RBM6: variants seen among roughly 807,000 people sequenced by gnomAD.
RBM6 encodes RNA-binding protein 6.
RBM6 carries 23 observed loss-of-function variants against 140.4 expected under a neutral mutation model. That is an observed-to-expected ratio of 0.16 (90% CI 0.12 to 0.23). RBM6 has a LOEUF of 0.23. Among genes scored for constraint, RBM6 ranks in the 10% least tolerant of loss-of-function variants. The probability of loss-of-function intolerance (pLI) is 1.00; values close to 1 mark genes in which losing one functional copy is unlikely to be tolerated. For missense variants in RBM6, 1,139 were observed against 1,386.7 expected, an observed-to-expected ratio of 0.82 and a Z score of 2.84; for synonymous variants, 439 against 475.6, an observed-to-expected ratio of 0.92 and a Z score of 1.00.
At chr3:50,021,544 G>A (rs1425985256) in intron 6 of RBM6, among the ~76,000 whole-genome samples, 1 of 152,066 alleles carries the variant, frequency 6.6e-6, no homozygotes, top group East Asian at 1.9e-4. Context: ...AGAGGCTGAG[G>A]CACGAAAATC....
intron 6 of RBM6, among the ~76,000 whole-genome samples, chr3:50,043,005 C>T (rs544457438): frequency 1.8e-4 from 28 of 152,200 alleles, no homozygotes; most frequent in Non-Finnish European, 3.2e-4. Context: ...TTCTGGAGTG[C>T]AAATATCTAG....
chr3:50,076,775 A>G (rs1407668256), intron 20 of RBM6, among the ~76,000 whole-genome samples: 10 of 151,190 alleles, frequency 6.6e-5, no homozygotes, highest in Non-Finnish European at 1.5e-4. Context: ...AGTCCCAGCT[A>G]CTCAGAGGCT....
In RBM6 at chr3:49,957,849, T is replaced by TG. The variant is rs55776442; in HGVS notation, c.-66-4724dup. 3.0e-3 allele frequency among the ~76,000 whole-genome samples: 459 copies of TG among 151,646 alleles called. 3 individuals carry two copies. Among genetic ancestry groups the TG allele is most frequent in the African/African-American group, 0.011 (447 of 41,382 alleles). ...GATCTTTCTTTCTTTTTTTTTTTTT[T>TG]GGGATGGAGTCTCGCTCTTTCGCCC... is the stretch of plus-strand genomic sequence containing the variant. On this transcript the variant is annotated intron_variant, in intron 1 of 20. Coordinates refer to ENST00000266022, the MANE Select transcript of RBM6 (RefSeq NM_005777.3).
chr3:50,067,979 C>T (rs985103126), intron 17 of RBM6, among the ~76,000 whole-genome samples: 4 of 152,142 alleles, frequency 2.6e-5, no homozygotes, highest in African/African-American at 9.7e-5. Context: ...TGTCCTTTGA[C>T]CTGAAGTTGT....
chr3:49,988,318 T>A (rs2085659606), intron 5 of RBM6, among the ~76,000 whole-genome samples: 1 of 152,098 alleles, frequency 6.6e-6, no homozygotes, highest in Non-Finnish European at 1.5e-5. Flanking sequence ...CTAATTTTTG[T>A]ATTTTTTGTA....
intron 6 of RBM6, among the ~76,000 whole-genome samples, chr3:50,036,186 C>T (rs1428822988): frequency 6.6e-6 from 1 of 152,224 alleles, no homozygotes; most frequent in Non-Finnish European, 1.5e-5. Flanking sequence ...TGAGCCACTG[C>T]GCCCAGCAGG....
chr3:49,945,176 ATTT>A (rs34249907), intron 1 of RBM6, among the ~76,000 whole-genome samples: 1 of 122,108 alleles, frequency 8.2e-6, no homozygotes. Context: ...CGCCCGGCCA[ATTT>A]TTTTTTTTTT....
intron 14 of RBM6, 130 bp downstream of exon 14, chr3:50,061,677 A>G: frequency 6.8e-7 from 1 of 1,470,702 alleles, no homozygotes; most frequent in African/African-American, 1.4e-5. Context: ...TTGCATGAAA[A>G]GTGGAAAAGT....
At chr3:50,067,135 C>T (rs1214575355) in intron 17 of RBM6, among the ~76,000 whole-genome samples, 2 of 142,150 alleles carry the variant, frequency 1.4e-5, no homozygotes, top group East Asian at 2.1e-4. Context: ...TGCAGTGAAC[C>T]GAGATCACAC....
In RBM6 at chr3:49,977,087, T is replaced by C. The variant is rs112406102; in HGVS notation, c.1483+1695T>C. Among the ~76,000 whole-genome samples the C allele has an allele frequency of 3.5e-3, 527 of 152,306 alleles. 3 individuals carry two copies. Among genetic ancestry groups the C allele is most frequent in the African/African-American group, 0.012 (508 of 41,568 alleles). On this transcript the variant is annotated intron_variant, in intron 5 of 20. Transcript: ENST00000266022. ...TGTTACTCCCATGTCTAAAACCCTC[T>C]TAGGGCCTTCATCTTCACTTGGAAG...
chr3:50,007,691 C>G (rs2086650120), intron 6 of RBM6, among the ~76,000 whole-genome samples: 1 of 151,920 alleles, frequency 6.6e-6, no homozygotes, highest in African/African-American at 2.4e-5. Context: ...TGCCACCACA[C>G]CCGGCTAATT....
Position 49,967,670 on chromosome 3 carries a change from A to G in RBM6, c.245A>G (p.His82Arg), listed in dbSNP as rs1427667954. The change falls in exon 3 of 21, where the codon CAT becomes CGT. Residue 82 changes from histidine (H) to arginine (R), a missense_variant. Physicochemically the swap from His to Arg is conservative, Grantham distance 29. Coordinates refer to ENST00000266022, the MANE Select transcript of RBM6 (RefSeq NM_005777.3). The surrounding 1 kb of genome is among the most constrained non-coding windows in gnomAD (Gnocchi z 4.0). ...SFSYGARDGP[H>R]GDYRGGEGPG... ...AGCTATGGAGCTAGAGACGGACCGCATGGTGACTATCGAGGAGGGGAGGGA... is the reference window on the plus strand; with the variant it reads ...AGCTATGGAGCTAGAGACGGACCGCGTGGTGACTATCGAGGAGGGGAGGGA... 6.2e-7 allele frequency: 1 copy of G among 1,613,994 alleles called. No individual in the cohort carries two copies. Among genetic ancestry groups the G allele is most frequent in the East Asian group, 2.2e-5 (1 of 44,894 alleles).
Position 50,061,306 on chromosome 3 carries a change from A to G in RBM6, c.2353+85A>G, listed in dbSNP as rs150332545. On this transcript the variant is annotated intron_variant, in intron 13 of 20. Transcript: ENST00000266022. ...TGACATCTGTGTGATCACAGTTGGCAAGATACACTGTTGACTGAGGGTGCT... is the reference window on the plus strand; with the variant it reads ...TGACATCTGTGTGATCACAGTTGGCGAGATACACTGTTGACTGAGGGTGCT... The G allele has an allele frequency of 7.5e-5, 120 of 1,603,816 alleles. No homozygotes were observed. In the African/African-American group the frequency reaches 1.0e-3, roughly 14 times the overall value.
chr3:49,992,865 C>T (rs767508854), intron 5 of RBM6, among the ~76,000 whole-genome samples: 1 of 152,204 alleles, frequency 6.6e-6, no homozygotes, highest in Non-Finnish European at 1.5e-5. Flanking sequence ...CATGCCTGCA[C>T]CATCTTTTCT....
intron 6 of RBM6, among the ~76,000 whole-genome samples, chr3:50,001,783 A>G (rs2086340464): frequency 6.6e-6 from 1 of 152,204 alleles, no homozygotes; most frequent in Non-Finnish European, 1.5e-5. Flanking sequence ...AACACTCATT[A>G]ATTCATAAGC....
At chr3:49,966,772 T>A (rs1317949941) in intron 2 of RBM6, among the ~76,000 whole-genome samples, 2 of 151,922 alleles carry the variant, frequency 1.3e-5, no homozygotes, top group East Asian at 3.9e-4. Flanking sequence ...ACCTTCTACC[T>A]TCTGTGATAC....
chr3:49,967,677 C>T lies in RBM6; in HGVS notation c.252C>T (p.Asp84=). 1.2e-6 allele frequency: 2 copies of T among 1,613,982 alleles called. No homozygotes were observed. The highest frequency in any genetic ancestry group is 1.7e-6 in the Non-Finnish European group (2 of 1,180,002). ...SYGARDGPHG[D]YRGGEGPGHD... ...GAGCTAGAGACGGACCGCATGGTGACTATCGAGGAGGGGAGGGACCTGGAC... is the reference window on the plus strand; with the variant it reads ...GAGCTAGAGACGGACCGCATGGTGATTATCGAGGAGGGGAGGGACCTGGAC... Residue 84 remains aspartate (D), a synonymous_variant, in exon 3 of 21, where the codon GAC becomes GAT. Transcript: ENST00000266022. This position sits in a 1 kb window ranked among gnomAD's most constrained non-coding sequence, Gnocchi z 4.0.
chr3:50,015,800 A>T (rs1575698407), intron 6 of RBM6, among the ~76,000 whole-genome samples: 1 of 152,192 alleles, frequency 6.6e-6, no homozygotes, highest in African/African-American at 2.4e-5. Flanking sequence ...ATACATGTGC[A>T]CATTGTAGAA....
chr3:50,050,956 G>C (rs1297073473), intron 7 of RBM6, among the ~76,000 whole-genome samples: 3 of 151,730 alleles, frequency 2.0e-5, no homozygotes, highest in African/African-American at 7.3e-5. Context: ...ATATTTTCTG[G>C]ATATTAATCC....
Sources: allele counts gnomAD v4.1 joint callset (sites outside exome capture counted in the v4.1 genomes callset), GRCh38; gene constraint gnomAD v4.1.1; non-coding constraint Gnocchi (gnomAD v3.1); transcripts MANE v1.5; gene names NCBI Gene and HGNC (gene_info 2026-07-23, HGNC 2026-07-21).